Variants in MYH15 observed in about 807,000 individuals in gnomAD.
MYH15 encodes myosin-15.
A neutral mutation model predicts 240.5 loss-of-function variants in MYH15; 227 were observed. That is an observed-to-expected ratio of 0.94 (90% CI 0.85 to 1.05). MYH15 has a LOEUF of 1.05. Ranked by LOEUF, MYH15 falls within the 50% of genes least tolerant of loss-of-function variation. The pLI, the probability that MYH15 is intolerant of heterozygous loss-of-function variation, is 0.00. For synonymous variants in MYH15, 785 were observed against 796.7 expected, an observed-to-expected ratio of 0.99 and a Z score of 0.25; for missense variants, 2,217 against 2,247.5, an observed-to-expected ratio of 0.99 and a Z score of 0.27.
intron 1 of MYH15, among the ~76,000 whole-genome samples, chr3:108,527,908 T>C (rs1559678041): frequency 6.6e-6 from 1 of 152,228 alleles, no homozygotes; most frequent in Admixed American, 6.6e-5. Context: ...CAGAAATTTA[T>C]TTCTTACAGT....
intron 12 of MYH15, among the ~76,000 whole-genome samples, chr3:108,471,064 G>A (rs569827995): frequency 6.1e-5 from 6 of 97,736 alleles, no homozygotes; most frequent in Admixed American, 4.2e-4. Context: ...AGGAAGGAAG[G>A]GAGGGAGGGA....
intron 9 of MYH15, among the ~76,000 whole-genome samples, chr3:108,489,374 T>C (rs2083329704): frequency 6.6e-6 from 1 of 151,302 alleles, no homozygotes; most frequent in Admixed American, 6.6e-5. Flanking sequence ...AATAAATAAA[T>C]AGAAAGAAAA....
intron 28 of MYH15, among the ~76,000 whole-genome samples, chr3:108,419,951 C>T (rs1159432081): frequency 6.6e-6 from 1 of 152,088 alleles, no homozygotes; most frequent in Non-Finnish European, 1.5e-5. Flanking sequence ...AACATCTAGC[C>T]ACATGCTATT....
the MYH15 span, among the ~76,000 whole-genome samples, chr3:108,540,271 G>C: frequency 5.9e-5 from 9 of 152,166 alleles, no homozygotes; most frequent in Non-Finnish European, 1.3e-4. Context: ...AAAGTCATGT[G>C]TATTATTTCC....
upstream of MYH15, among the ~76,000 whole-genome samples, chr3:108,531,320 G>T (rs1162786078): frequency 2.0e-5 from 3 of 152,194 alleles, no homozygotes; most frequent in Non-Finnish European, 2.9e-5. Flanking sequence ...GAGAAGGGCA[G>T]GGTGTGCTTG....
At chr3:108,519,569 A>G (rs1335377658) in intron 1 of MYH15, among the ~76,000 whole-genome samples, 2 of 152,216 alleles carry the variant, frequency 1.3e-5, no homozygotes, top group East Asian at 3.8e-4. Context: ...TGATAGCTCT[A>G]TGAAGAGAAA....
intron 24 of MYH15, among the ~76,000 whole-genome samples, chr3:108,439,452 C>T (rs1336421160): frequency 6.6e-6 from 1 of 152,164 alleles, no homozygotes; most frequent in African/African-American, 2.4e-5. Context: ...AAAAGCCAGT[C>T]ACCTAGAGTG....
chr3:108,453,931 G>C, intron 21 of MYH15, 75 bp downstream of exon 21: 1 of 1,450,470 alleles, frequency 6.9e-7, no homozygotes, highest in Non-Finnish European at 9.4e-7. Flanking sequence ...CCTACTATAA[G>C]GCAATGAGAT....
Position 108,399,058 on chromosome 3 carries a change from T to C in MYH15, c.4929+17A>G. On this transcript the variant is annotated intron_variant, in intron 34 of 40. Coordinates refer to ENST00000693548, the MANE Select transcript of MYH15 (RefSeq NM_014981.3). ...ATTTTCCACCCCTCCCTACCCCATC[T>C]TACAGTTTTAAAATACCTTGATTTG... is the stretch of plus-strand genomic sequence containing the variant. 11 of 1,608,044 alleles carry C rather than the reference T, an allele frequency of 6.8e-6. No individual in the cohort carries two copies. Among genetic ancestry groups the C allele is most frequent in the Non-Finnish European group, 8.5e-6 (10 of 1,175,986 alleles).
chr3:108,527,500 A>C (rs529466441), intron 1 of MYH15, among the ~76,000 whole-genome samples: 3 of 152,262 alleles, frequency 2.0e-5, no homozygotes, highest in Admixed American at 6.5e-5. Flanking sequence ...TTATGAGACA[A>C]TTTATGTTAT....
chr3:108,479,008 T>C (rs986536506), intron 11 of MYH15, among the ~76,000 whole-genome samples: 6 of 152,214 alleles, frequency 3.9e-5, no homozygotes, highest in Non-Finnish European at 8.8e-5. Flanking sequence ...ATACATCACA[T>C]ATGTTCTCTG....
intron 36 of MYH15, 41 bp from the exon 37 acceptor site, chr3:108,391,971 A>T (rs1157288132): frequency 6.3e-7 from 1 of 1,596,022 alleles, no homozygotes; most frequent in East Asian, 2.2e-5. Flanking sequence ...TTCAGCAGTC[A>T]ATTGATCTTA....
At chr3:108,503,153 G>A (rs2083450901) in intron 2 of MYH15, among the ~76,000 whole-genome samples, 1 of 152,038 alleles carries the variant, frequency 6.6e-6, no homozygotes, top group South Asian at 2.1e-4. Flanking sequence ...ATCAAAGAAG[G>A]ACAAGCAGGA....
intron 12 of MYH15, among the ~76,000 whole-genome samples, chr3:108,474,851 T>C (rs2083206958): frequency 6.6e-6 from 1 of 152,200 alleles, no homozygotes; most frequent in Admixed American, 6.5e-5. Context: ...TAGTCTATTT[T>C]AACATGCGTG....
chr3:108,437,459 C>T (rs2107566151), intron 25 of MYH15, 95 bp downstream of exon 25: 1 of 1,445,164 alleles, frequency 6.9e-7, no homozygotes, highest in South Asian at 1.5e-5. Flanking sequence ...CTTGAGCTAT[C>T]TGGCCCTGGA....
intron 19 of MYH15, 75 bp from the exon 20 acceptor site, chr3:108,455,934 A>T (rs1174183239): frequency 1.4e-6 from 2 of 1,406,054 alleles, no homozygotes; most frequent in Non-Finnish European, 2.0e-6. Flanking sequence ...TAGACAAATG[A>T]GGTGAAAGGA....
the MYH15 span, among the ~76,000 whole-genome samples, chr3:108,548,761 T>C: frequency 6.6e-6 from 1 of 152,146 alleles, no homozygotes; most frequent in Non-Finnish European, 1.5e-5. Flanking sequence ...ACTTGATAAG[T>C]ACCTGTAACA....
chr3:108,537,425 ATAG>A, the MYH15 span, among the ~76,000 whole-genome samples: 1 of 152,184 alleles, frequency 6.6e-6, no homozygotes, highest in Non-Finnish European at 1.5e-5. Context: ...TGTATTAATA[ATAG>A]TATTAAGAGG....
intron 27 of MYH15, among the ~76,000 whole-genome samples, chr3:108,426,201 T>C (rs1001625830): frequency 1.4e-5 from 2 of 146,616 alleles, no homozygotes; most frequent in African/African-American, 5.1e-5. Context: ...AAAAAGTATT[T>C]TCAGAAAAAA....
Sources: gnomAD v4.1 joint callset for allele counts (sites outside exome capture counted in the v4.1 genomes callset) on GRCh38, gnomAD v4.1.1 for gene constraint, MANE v1.5 for transcripts, NCBI Gene and HGNC (gene_info 2026-07-23, HGNC 2026-07-21) for gene names.